Variants in DMD observed in about 807,000 individuals in gnomAD.
DMD encodes dystrophin.
Under a neutral mutation model 330.1 loss-of-function variants are expected in DMD, and 63 were observed. The observed-to-expected ratio is 0.19, with a 90% confidence interval of 0.16 to 0.24. DMD has a LOEUF of 0.24. Among genes scored for constraint, DMD ranks in the 10% least tolerant of loss-of-function variants. The probability of loss-of-function intolerance (pLI) is 1.00; values close to 1 mark genes in which losing one functional copy is unlikely to be tolerated. For synonymous variants in DMD, 1,223 were observed against 959.8 expected, an observed-to-expected ratio of 1.27 and a Z score of -5.07; for missense variants, 3,344 against 2,684.1, an observed-to-expected ratio of 1.25 and a Z score of -5.43.
chrX:32,997,223 C>G (rs2093144758), intron 2 of DMD, among the ~76,000 whole-genome samples: 1 of 108,367 alleles, frequency 9.2e-6, no homozygotes, highest in Non-Finnish European at 1.9e-5. Flanking sequence ...GTATAAATTT[C>G]TGGGGTACAT....
chrX:32,399,990 C>G (rs779053970), intron 30 of DMD, among the ~76,000 whole-genome samples: 90 of 111,513 alleles, frequency 8.1e-4, no homozygotes, highest in African/African-American at 2.8e-3. Context: ...ACTTCCAACA[C>G]TATGTTGAAT....
chrX:31,378,535 G>C (rs769439555), intron 60 of DMD, among the ~76,000 whole-genome samples: 1 of 110,796 alleles, frequency 9.0e-6, no homozygotes, highest in Admixed American at 9.6e-5. Context: ...TTAATCACGC[G>C]GGGATGCCTG....
At chrX:32,433,033 C>T (rs753121063) in intron 29 of DMD, among the ~76,000 whole-genome samples, 3 of 112,050 alleles carry the variant, frequency 2.7e-5, no homozygotes, top group Non-Finnish European at 3.8e-5. Context: ...TAATAAGCCA[C>T]GAAAGAGGTG....
chrX:32,941,942 T>A (rs1334127471), intron 2 of DMD, among the ~76,000 whole-genome samples: 4 of 112,180 alleles, frequency 3.6e-5, no homozygotes, highest in African/African-American at 1.3e-4. Flanking sequence ...CTGGACTCTC[T>A]TCTTTCCTAC....
chrX:32,183,188 A>G (rs2096933183), intron 44 of DMD, among the ~76,000 whole-genome samples: 1 of 111,008 alleles, frequency 9.0e-6, no homozygotes, highest in Admixed American at 9.7e-5. Context: ...ATCCCTGCCA[A>G]CTTACTCACA....
At chrX:32,310,718 T>C (rs1023651588) in intron 41 of DMD, among the ~76,000 whole-genome samples, 5 of 110,464 alleles carry the variant, frequency 4.5e-5, no homozygotes, top group African/African-American at 1.6e-4. Context: ...AACTTTCCTG[T>C]ATCTATAGGA....
chrX:32,556,017 G>A (rs1313905712), intron 16 of DMD, among the ~76,000 whole-genome samples: 5 of 111,664 alleles, frequency 4.5e-5, no homozygotes, highest in Admixed American at 9.5e-5. Flanking sequence ...ATAAACTACC[G>A]TCAGAGTAAA....
At chrX:32,480,848 A>G (rs1175959254) in intron 21 of DMD, among the ~76,000 whole-genome samples, 1 of 111,008 alleles carries the variant, frequency 9.0e-6, no homozygotes, top group African/African-American at 3.3e-5. Flanking sequence ...AAATAACACA[A>G]TTTTTAAAAG....
At chrX:32,205,010 T>TCTCTCTCTCTCTCTC (rs2097059434) in intron 44 of DMD, among the ~76,000 whole-genome samples, 7 of 53,070 alleles carry the variant, frequency 1.3e-4, no homozygotes, top group African/African-American at 2.3e-4. Context: ...CTCTCTCACA[T>TCTCTCTCTCTCTCTC]ACACACACAC....
intron 1 of DMD, among the ~76,000 whole-genome samples, chrX:33,021,164 C>T (rs2093907089): frequency 9.0e-6 from 1 of 110,937 alleles, no homozygotes; most frequent in South Asian, 3.8e-4. Flanking sequence ...ACTCTTCATG[C>T]CTTACATATA....
intron 7 of DMD, among the ~76,000 whole-genome samples, chrX:32,731,608 A>T (rs1343781440): frequency 9.0e-6 from 1 of 111,472 alleles, no homozygotes; most frequent in Non-Finnish European, 1.9e-5. Flanking sequence ...CTGACCCCTG[A>T]CCCCCGAGCA....
At chrX:31,892,922 T>C (rs146524647) in intron 47 of DMD, among the ~76,000 whole-genome samples, 1 of 112,018 alleles carries the variant, frequency 8.9e-6, no homozygotes, top group Non-Finnish European at 1.9e-5. Context: ...AAACATATAA[T>C]CCAAATAAAT....
In DMD at chrX:31,543,196, G is replaced by C. The variant is rs184365141; in HGVS notation, c.8218-35743C>G. On this transcript the variant is annotated intron_variant, in intron 55 of 78. Coordinates refer to ENST00000357033, the MANE Select transcript of DMD (RefSeq NM_004006.3). ...TATTTTATTTTATTTTTTTTAGATA[G>C]AGTCTTGCTCTGTCGCCAGGCTGGA... Among the ~76,000 whole-genome samples, 634 of 108,754 alleles carry C rather than the reference G, an allele frequency of 5.8e-3. 4 individuals carry two copies. The highest frequency in any genetic ancestry group is 9.8e-3 in the Non-Finnish European group (512 of 52,284). The allele number at this position is 108,754 out of a possible 115,157, so 94.4% of individuals were successfully genotyped here. A position where few individuals can be genotyped will look rare whatever the true frequency, so the allele number is the denominator to read the frequency against.
intron 62 of DMD, among the ~76,000 whole-genome samples, chrX:31,275,026 C>T: frequency 9.1e-6 from 1 of 110,069 alleles, no homozygotes; most frequent in Admixed American, 9.8e-5. Flanking sequence ...ATAATAATTA[C>T]AGAAATAGAG....
rs10692022 is a variant in DMD at position 32,429,387 on chromosome X, G to GTTTTTTTTTTTTTTTTTTTTTTTTTTT, written c.4071+8853_4071+8854insAAAAAAAAAAAAAAAAAAAAAAAAAAA. On this transcript the variant is annotated intron_variant, in intron 29 of 78. Coordinates refer to ENST00000357033, the MANE Select transcript of DMD (RefSeq NM_004006.3). ...ACCAAGCCTGGATACTTTTTTTTGG[G>GTTTTTTTTTTTTTTTTTTTTTTTTTTT]TTTTTTTTTTTTTTTTTTTTTTTTG... is the stretch of plus-strand genomic sequence containing the variant. Among the ~76,000 whole-genome samples the GTTTTTTTTTTTTTTTTTTTTTTTTTTT allele has an allele frequency of 2.3e-4, 10 of 44,200 alleles. 1 individual carries two copies. The highest frequency in any genetic ancestry group is 5.5e-4 in the African/African-American group (5 of 9,042). The allele number at this position is 44,200 out of a possible 115,157, so 38.4% of individuals were successfully genotyped here.
intron 1 of DMD, among the ~76,000 whole-genome samples, chrX:33,313,393 T>C (rs776635848): frequency 7.1e-5 from 8 of 112,160 alleles, no homozygotes; most frequent in Non-Finnish European, 1.5e-4. Flanking sequence ...CCCTTTTGAA[T>C]GATCTGAGCA....
intron 12 of DMD, among the ~76,000 whole-genome samples, chrX:32,598,266 C>T (rs986917170): frequency 8.9e-6 from 1 of 111,820 alleles, no homozygotes; most frequent in Non-Finnish European, 1.9e-5. Context: ...CTTTGACATT[C>T]CAGAGCTTAT....
chrX:32,451,100 C>G (rs931925406), intron 26 of DMD, among the ~76,000 whole-genome samples: 3 of 110,739 alleles, frequency 2.7e-5, no homozygotes, highest in Non-Finnish European at 5.7e-5. Flanking sequence ...GGATTTCACA[C>G]CCGTGCTTCT....
intron 64 of DMD, among the ~76,000 whole-genome samples, chrX:31,222,488 T>C (rs2046210583): frequency 9.7e-6 from 1 of 103,096 alleles, no homozygotes; most frequent in Non-Finnish European, 2.0e-5. Flanking sequence ...CCTCAGACAA[T>C]AGTAGAGTTA....
Sources: allele counts gnomAD v4.1 joint callset (sites outside exome capture counted in the v4.1 genomes callset), GRCh38; gene constraint gnomAD v4.1.1; transcripts MANE v1.5; gene names NCBI Gene and HGNC (gene_info 2026-07-23, HGNC 2026-07-21).